ATRNL1: variants seen among roughly 807,000 people sequenced by gnomAD.
ATRNL1 encodes the protein attractin-like protein 1.
ATRNL1 carries 95 observed loss-of-function variants against 182.7 expected under a neutral mutation model. The observed-to-expected ratio is 0.52, with a 90% CI of 0.44 to 0.62. The LOEUF is 0.62. ATRNL1 is among the 20% of genes least tolerant of loss of function. ATRNL1 has a pLI of 0.00. For synonymous variants in ATRNL1, 576 were observed against 568.3 expected (o/e 1.01, Z -0.19); for missense variants, 1,471 against 1,679.5 (o/e 0.88, Z 2.17).
In ATRNL1 at chr10:115,902,421, C is replaced by T. The variant is rs571284861; in HGVS notation, c.4019-42237C>T. Reference sequence around the variant, plus strand: ...GGCCAAAATTTATTTCTCAATAGAACTCACATAGTGCATTCATTTATTTTT... The same window carrying T: ...GGCCAAAATTTATTTCTCAATAGAATTCACATAGTGCATTCATTTATTTTT... On this transcript the variant is annotated intron_variant, in intron 28 of 28. Coordinates refer to ENST00000355044, the MANE Select transcript of ATRNL1 (RefSeq NM_207303.4). 5.7e-4 allele frequency among the ~76,000 whole-genome samples: 86 copies of T among 152,178 alleles called. 1 individual carries two copies. The highest frequency in any genetic ancestry group is 1.8e-3 in the African/African-American group (76 of 41,522).
intron 18 of ATRNL1, among the ~76,000 whole-genome samples, chr10:115,317,849 A>G (rs563144589): frequency 4.6e-5 from 7 of 152,292 alleles, no homozygotes; most frequent in African/African-American, 1.7e-4. Flanking sequence ...AAACAAAGAA[A>G]ACTTGACTTC....
chr10:115,785,613 A>G (rs1302258158), intron 27 of ATRNL1, among the ~76,000 whole-genome samples: 1 of 152,206 alleles, frequency 6.6e-6, no homozygotes, highest in Non-Finnish European at 1.5e-5. Context: ...AGATCTGTTA[A>G]CCACACACCT....
At chr10:115,111,746 C>A (rs1202966800) in intron 1 of ATRNL1, among the ~76,000 whole-genome samples, 1 of 152,142 alleles carries the variant, frequency 6.6e-6, no homozygotes, top group East Asian at 1.9e-4. Context: ...TATATTCAAA[C>A]CATAGCAGTT....
At chr10:115,824,950 T>C (rs2420123) in intron 27 of ATRNL1, among the ~76,000 whole-genome samples, 24,929 of 152,142 alleles carry the variant, frequency 0.16, 2,241 homozygotes, top group Non-Finnish European at 0.2. Context: ...CATATGTTTA[T>C]TGCAGCACTG....
At chr10:115,407,559 G>A (rs893877886) in intron 20 of ATRNL1, among the ~76,000 whole-genome samples, 9 of 151,964 alleles carry the variant, frequency 5.9e-5, no homozygotes, top group African/African-American at 2.2e-4. Context: ...CGAACGACAG[G>A]ATTTCCTTCT....
At chr10:115,582,429 T>C (rs1222410779) in intron 26 of ATRNL1, among the ~76,000 whole-genome samples, 2 of 136,954 alleles carry the variant, frequency 1.5e-5, no homozygotes, top group East Asian at 4.7e-4. Context: ...TTTTTAATGA[T>C]TGCCATTCTA....
intron 27 of ATRNL1, among the ~76,000 whole-genome samples, chr10:115,777,701 T>C (rs559043102): frequency 6.6e-6 from 1 of 152,324 alleles, no homozygotes; most frequent in Admixed American, 6.5e-5. Flanking sequence ...TGCTAGATGC[T>C]GTGGGACAGA....
chr10:115,341,573 C>T (rs142903030), intron 19 of ATRNL1, among the ~76,000 whole-genome samples: 6 of 152,112 alleles, frequency 3.9e-5, no homozygotes, highest in African/African-American at 4.8e-5. Context: ...TGATTTTCTT[C>T]GAAGAAAGAT....
chr10:115,723,278 G>A (rs1270978454), intron 26 of ATRNL1, among the ~76,000 whole-genome samples: 1 of 152,144 alleles, frequency 6.6e-6, no homozygotes, highest in Non-Finnish European at 1.5e-5. Flanking sequence ...GTAGTAGGAG[G>A]TATGAAGACA....
intron 27 of ATRNL1, among the ~76,000 whole-genome samples, chr10:115,773,836 T>C (rs1254928580): frequency 6.6e-6 from 1 of 152,200 alleles, no homozygotes; most frequent in Admixed American, 6.5e-5. Context: ...ACCCAAATTC[T>C]TTTTGGGTTA....
At chr10:115,286,537 G>A in intron 15 of ATRNL1, 140 bp downstream of exon 15, 2 of 552,172 alleles carry the variant, frequency 3.6e-6, no homozygotes, top group East Asian at 3.1e-5. Context: ...TGAATTGGCA[G>A]AAGACTTATT....
intron 19 of ATRNL1, among the ~76,000 whole-genome samples, chr10:115,337,293 T>G (rs1855536094): frequency 6.6e-6 from 1 of 152,062 alleles, no homozygotes; most frequent in Admixed American, 6.5e-5. Context: ...TCATGGAGAA[T>G]AGGGTAACCT....
intron 1 of ATRNL1, among the ~76,000 whole-genome samples, chr10:115,113,472 A>T (rs1173115396): frequency 6.6e-6 from 1 of 152,176 alleles, no homozygotes; most frequent in Non-Finnish European, 1.5e-5. Flanking sequence ...CTTATCTTGA[A>T]TTACCACGTG....
intron 15 of ATRNL1, among the ~76,000 whole-genome samples, chr10:115,296,089 C>T (rs1205403287): frequency 6.6e-6 from 1 of 152,108 alleles, no homozygotes; most frequent in African/African-American, 2.4e-5. Context: ...CTTGTAAGGA[C>T]TGTGGGATTC....
chr10:115,379,059 A>G (rs1554950310), intron 19 of ATRNL1, among the ~76,000 whole-genome samples: 1 of 152,106 alleles, frequency 6.6e-6, no homozygotes, highest in Non-Finnish European at 1.5e-5. Flanking sequence ...ACTTCTTTCA[A>G]TAACTTTTTT....
chr10:115,184,342 G>A (rs1554888364), intron 8 of ATRNL1, among the ~76,000 whole-genome samples: 1 of 150,534 alleles, frequency 6.6e-6, no homozygotes, highest in Non-Finnish European at 1.5e-5. Context: ...ACTATCTCCA[G>A]TGCAAGATTA....
chr10:115,363,901 A>G (rs1856883543), intron 19 of ATRNL1, among the ~76,000 whole-genome samples: 3 of 150,900 alleles, frequency 2.0e-5, no homozygotes, highest in Non-Finnish European at 4.4e-5. Flanking sequence ...TACCAGTACC[A>G]TGCTGTTTTG....
chr10:115,295,963 C>T (rs1170648064), intron 15 of ATRNL1, among the ~76,000 whole-genome samples: 2 of 152,102 alleles, frequency 1.3e-5, no homozygotes, highest in African/African-American at 4.8e-5. Context: ...TGGCACCATG[C>T]TGCAGCATCT....
intron 26 of ATRNL1, among the ~76,000 whole-genome samples, chr10:115,725,612 T>C (rs1555059779): frequency 6.6e-6 from 1 of 152,170 alleles, no homozygotes; most frequent in Non-Finnish European, 1.5e-5. Flanking sequence ...AATTTACAAT[T>C]TTCTCAAGAC....
Sources: allele counts gnomAD v4.1 joint callset (sites outside exome capture counted in the v4.1 genomes callset), GRCh38; gene constraint gnomAD v4.1.1; transcripts MANE v1.5; gene names NCBI Gene and HGNC (gene_info 2026-07-23, HGNC 2026-07-21).